Variants in KRT8 observed in about 807,000 individuals in gnomAD.
KRT8 encodes keratin 8.
Under a neutral mutation model 43.0 loss-of-function variants are expected in KRT8, and 24 were observed. The ratio of observed to expected loss-of-function variants is 0.56; its 90% CI spans 0.40 to 0.78. The LOEUF (loss-of-function observed/expected upper bound fraction) is 0.78. Ranked by LOEUF, KRT8 falls within the 30% of genes least tolerant of loss-of-function variation. The pLI is 0.00. For missense variants in KRT8, 492 were observed against 638.4 expected (o/e 0.77, Z 2.47); for synonymous variants, 214 against 261.2 (o/e 0.82, Z 1.74).
chr12:52,900,697 A>G lies in KRT8; in HGVS notation c.595-14T>C, dbSNP rs574518778. The G allele has an allele frequency of 3.1e-6, 5 of 1,592,690 alleles. No homozygotes were observed. In the South Asian group the frequency reaches 3.3e-5, roughly 11 times the overall value. On this transcript the variant is annotated splice_polypyrimidine_tract_variant and intron_variant, in intron 3 of 7. Coordinates refer to ENST00000692008, the Ensembl canonical transcript of KRT8. Reference sequence around the variant, plus strand: ...TTCATCCACATCCTGGGGGATGAGGAGAGGGGAGCCTGAGCTGGGTTTCCA... The same window carrying G: ...TTCATCCACATCCTGGGGGATGAGGGGAGGGGAGCCTGAGCTGGGTTTCCA...
intron 2 of KRT8, among the ~76,000 whole-genome samples, chr12:52,916,793 G>T (rs1941749524): frequency 6.6e-6 from 1 of 152,214 alleles, no homozygotes; most frequent in Non-Finnish European, 1.5e-5. Flanking sequence ...CTCGCATGCT[G>T]ACCATGCTGG....
intron 1 of KRT8, chr12:52,949,687 T>G: frequency 9.3e-7 from 1 of 1,079,090 alleles, no homozygotes; most frequent in Non-Finnish European, 1.4e-6. Context: ...ACCCAACCCC[T>G]ACTCCACCGG....
rs762139036 is a variant in KRT8 at position 52,900,116 on chromosome 12, C to T, written c.691-51G>A. The T allele has an allele frequency of 1.9e-6, 3 of 1,583,098 alleles. No homozygotes were observed. The South Asian group carries it at 3.4e-5, about 18-fold the overall frequency. On this transcript the variant is annotated intron_variant, in intron 4 of 7. Coordinates refer to ENST00000692008, the Ensembl canonical transcript of KRT8. Reference sequence around the variant, plus strand: ...AGGCCCTGTCTCTGCACACAGGGAGCCCCCTTTTCCACAACAGCCTTTCTT... The same window carrying T: ...AGGCCCTGTCTCTGCACACAGGGAGTCCCCTTTTCCACAACAGCCTTTCTT...
chr12:52,909,093 G>T (rs1450913393), upstream of KRT8, among the ~76,000 whole-genome samples: 1 of 152,214 alleles, frequency 6.6e-6, no homozygotes, highest in Non-Finnish European at 1.5e-5. Flanking sequence ...TCACTGAACT[G>T]CAAGCTTCAG....
chr12:52,898,461 C>T (rs372126296), exon 7 of KRT8: 1 of 1,613,422 alleles, frequency 6.2e-7, no homozygotes, highest in African/African-American at 1.3e-5. Context: ...GGACACCCAC[C>T]TGCATAGCCG....
upstream of KRT8, among the ~76,000 whole-genome samples, chr12:52,911,050 C>T (rs998568513): frequency 1.3e-5 from 2 of 152,140 alleles, no homozygotes; most frequent in Non-Finnish European, 2.9e-5. Context: ...CTGAAAGTCC[C>T]TGTTGAGAAG....
intron 2 of KRT8, chr12:52,926,378 A>C (rs1592179872): frequency 3.9e-6 from 5 of 1,297,074 alleles, no homozygotes; most frequent in Admixed American, 2.4e-5. Context: ...CTCCTGAAGC[A>C]CCTCCTTGTC....
chr12:52,942,513 C>T (rs2120736227), intron 2 of KRT8, among the ~76,000 whole-genome samples: 1 of 152,292 alleles, frequency 6.6e-6, no homozygotes, highest in South Asian at 2.1e-4. Flanking sequence ...TCTCACCTTC[C>T]CCATCTCACG....
intron 2 of KRT8, among the ~76,000 whole-genome samples, chr12:52,929,890 T>C (rs987608900): frequency 6.6e-6 from 1 of 152,172 alleles, no homozygotes; most frequent in East Asian, 1.9e-4. Flanking sequence ...AGTTTCTAAT[T>C]GCTGCCTGGA....
At chr12:52,927,109 G>C (rs1229923946) in intron 2 of KRT8, among the ~76,000 whole-genome samples, 1 of 152,188 alleles carries the variant, frequency 6.6e-6, no homozygotes, top group Non-Finnish European at 1.5e-5. Flanking sequence ...AGCTGTGATT[G>C]TTTCATGGAT....
chr12:52,900,909 CT>C, intron 3 of KRT8: 2 of 632,330 alleles, frequency 3.2e-6, no homozygotes, highest in Non-Finnish European at 5.7e-6. Flanking sequence ...TCTAGGGAGC[CT>C]TCTAGAGCCA....
At chr12:52,932,805 TA>T (rs142235030) in intron 2 of KRT8, among the ~76,000 whole-genome samples, 11 of 139,030 alleles carry the variant, frequency 7.9e-5, no homozygotes, top group African/African-American at 2.7e-4. Flanking sequence ...GTGTCTATAA[TA>T]AAAAAAAAAC....
chr12:52,929,458 T>G (rs190333769), intron 2 of KRT8, among the ~76,000 whole-genome samples: 75 of 152,310 alleles, frequency 4.9e-4, no homozygotes, highest in African/African-American at 1.5e-3. Flanking sequence ...CCTCCCAAAG[T>G]GCTGGGATTA....
intron 1 of KRT8, chr12:52,949,639 T>TTG (rs1942438421): frequency 6.7e-7 from 1 of 1,489,986 alleles, no homozygotes; most frequent in African/African-American, 1.4e-5. Context: ...GACCCTCCAA[T>TTG]TATACACTCC....
chr12:52,926,508 C>A (rs1200950357), intron 2 of KRT8: 1 of 1,509,292 alleles, frequency 6.6e-7, no homozygotes, highest in Non-Finnish European at 8.9e-7. Context: ...AAAGCCTGCC[C>A]CAGTCACCTC....
intron 2 of KRT8, chr12:52,901,506 T>C (rs1448938564): frequency 1.1e-5 from 6 of 548,912 alleles, no homozygotes; most frequent in Non-Finnish European, 2.0e-5. Context: ...CAGAACTTTC[T>C]AGAGTTTGCT....
At chr12:52,926,935 AC>A (rs1227564361) in intron 2 of KRT8, among the ~76,000 whole-genome samples, 2 of 129,180 alleles carry the variant, frequency 1.5e-5, no homozygotes, top group Non-Finnish European at 3.5e-5. Flanking sequence ...TGTTTGATTC[AC>A]TGAATGAATG....
intron 2 of KRT8, among the ~76,000 whole-genome samples, chr12:52,930,559 G>C (rs1332530579): frequency 6.7e-6 from 1 of 149,782 alleles, no homozygotes; most frequent in Non-Finnish European, 1.5e-5. Flanking sequence ...TTTTGTTGTT[G>C]TTCTTTTTTT....
At chr12:52,901,999 C>T (rs775752489) in exon 2 of KRT8, 7 of 1,604,228 alleles carry the variant, frequency 4.4e-6, no homozygotes, top group East Asian at 2.2e-5. Context: ...CATGTTGCTT[C>T]GAGCCGTCTT....
Sources: gnomAD v4.1 joint callset for allele counts (sites outside exome capture counted in the v4.1 genomes callset) on GRCh38, gnomAD v4.1.1 for gene constraint, MANE v1.5 for transcripts, NCBI Gene and HGNC (gene_info 2026-07-23, HGNC 2026-07-21) for gene names.